Variants in SYN2 observed in about 807,000 individuals in gnomAD.
The protein encoded by SYN2 is synapsin-2.
In SYN2, 19 loss-of-function variants were observed where a neutral mutation model predicts 50.9. That is an observed-to-expected ratio of 0.37 (90% CI 0.26 to 0.55). The LOEUF (loss-of-function observed/expected upper bound fraction) is 0.55. SYN2 is among the 20% of genes least tolerant of loss of function. SYN2 has a pLI of 0.81. For synonymous variants in SYN2, 255 were observed against 224.9 expected (o/e 1.13, Z -1.20); for missense variants, 587 against 576.4 (o/e 1.02, Z -0.19).
chr3:12,167,405 T>C, intron 8 of SYN2, 97 bp downstream of exon 8: 1 of 1,296,018 alleles, frequency 7.7e-7, no homozygotes, highest in Non-Finnish European at 1.1e-6. Context: ...AAGGGAGTCA[T>C]GGAGCAAACC....
intron 1 of SYN2, among the ~76,000 whole-genome samples, chr3:12,055,016 T>G (rs1694957012): frequency 2.0e-5 from 3 of 152,112 alleles, no homozygotes; most frequent in Admixed American, 1.3e-4. Context: ...GTATAGGAGA[T>G]CTGAATGCCA....
chr3:12,119,412 T>C (rs767712194), intron 1 of SYN2, among the ~76,000 whole-genome samples: 7 of 152,208 alleles, frequency 4.6e-5, no homozygotes, highest in Admixed American at 6.5e-5. Flanking sequence ...TTTATTCATT[T>C]CTGCAATCGT....
chr3:12,117,690 C>G (rs1014581082), intron 1 of SYN2, among the ~76,000 whole-genome samples: 6 of 152,128 alleles, frequency 3.9e-5, no homozygotes, highest in African/African-American at 1.4e-4. Context: ...AAAAATTCTG[C>G]CTTGGGGTTG....
At chr3:12,009,655 G>A (rs371007244) in intron 1 of SYN2, among the ~76,000 whole-genome samples, 1 of 152,002 alleles carries the variant, frequency 6.6e-6, no homozygotes, top group East Asian at 1.9e-4. Context: ...TGTTTGTGTC[G>A]GCTTCTTTTA....
chr3:12,082,660 A>C (rs1185688122), intron 1 of SYN2, among the ~76,000 whole-genome samples: 1 of 152,218 alleles, frequency 6.6e-6, no homozygotes, highest in Non-Finnish European at 1.5e-5. Flanking sequence ...GAGGATGTAT[A>C]TCCATTGCTC....
At chr3:12,069,243 CCT>C (rs1695286077) in intron 1 of SYN2, among the ~76,000 whole-genome samples, 1 of 73,828 alleles carries the variant, frequency 1.4e-5, no homozygotes, top group African/African-American at 6.1e-5. Context: ...AATTGTATGA[CCT>C]TTTTTTTTTT....
chr3:12,089,137 C>A (rs160217), intron 1 of SYN2, among the ~76,000 whole-genome samples: 140,648 of 152,276 alleles, frequency 0.92, 65,000 homozygotes, highest in East Asian at 1. Flanking sequence ...TAAATATATA[C>A]GTATTCGTCT....
intron 4 of SYN2, among the ~76,000 whole-genome samples, chr3:12,147,217 A>G (rs938598193): frequency 4.7e-5 from 7 of 147,516 alleles, no homozygotes; most frequent in Non-Finnish European, 9.2e-5. Flanking sequence ...GTGTGTGTGT[A>G]TGTGTGTGTG....
chr3:12,133,858 G>GCAT (rs1559433412), intron 1 of SYN2, among the ~76,000 whole-genome samples: 2 of 152,170 alleles, frequency 1.3e-5, no homozygotes, highest in Non-Finnish European at 2.9e-5. Flanking sequence ...TGAGACAATG[G>GCAT]CATGGCACTT....
At chr3:12,026,671 G>C (rs1375647462) in intron 1 of SYN2, among the ~76,000 whole-genome samples, 2 of 152,196 alleles carry the variant, frequency 1.3e-5, no homozygotes, top group Non-Finnish European at 2.9e-5. Context: ...TGCGGATATT[G>C]TGTGTGATGA....
In SYN2 at chr3:12,004,672, G is replaced by C. The variant is rs778741631; in HGVS notation, c.121G>C (p.Gly41Arg). The C allele has an allele frequency of 8.9e-5, 26 of 293,348 alleles. No individual in the cohort carries two copies. The highest frequency in any genetic ancestry group is 1.7e-4 in the Non-Finnish European group (26 of 155,608). 18.2% of individuals were successfully genotyped at this position (293,348 alleles called of 1,614,324 possible). Residue 41 changes from glycine to arginine, a missense_variant, in exon 1 of 13, where the codon GGT becomes CGT. Gly to Arg is a moderately radical substitution (Grantham distance 125, BLOSUM62 -2). Transcript: ENST00000621198. ...PQQPPPPPPP[G>R]PGAASASAAP... is the part of the protein sequence containing the mutation. ...GCAGCCGCCGCCGCCGCCGCCCCCC[G>C]GTCCGGGCGCCGCCTCGGCCTCGGC...
At chr3:12,085,392 C>T (rs992137101) in intron 1 of SYN2, among the ~76,000 whole-genome samples, 30 of 150,874 alleles carry the variant, frequency 2.0e-4, no homozygotes, top group Admixed American at 7.3e-4. Context: ...CACGCACGCA[C>T]GCACTCGATG....
chr3:12,126,879 C>A (rs1260108653), intron 1 of SYN2, among the ~76,000 whole-genome samples: 3 of 152,164 alleles, frequency 2.0e-5, no homozygotes, highest in Non-Finnish European at 4.4e-5. Context: ...TAACAATCTA[C>A]GGTACTTCTC....
intron 1 of SYN2, among the ~76,000 whole-genome samples, chr3:12,100,787 C>T (rs1322100129): frequency 6.6e-6 from 1 of 151,652 alleles, no homozygotes; most frequent in Admixed American, 6.6e-5. Context: ...ACAAAAAACC[C>T]ATGAAAAAAT....
At chr3:12,029,406 C>G (rs1475733193) in intron 1 of SYN2, among the ~76,000 whole-genome samples, 1 of 126,736 alleles carries the variant, frequency 7.9e-6, no homozygotes, top group African/African-American at 4.1e-5. Context: ...TTTTCCAATT[C>G]TGTGAAGAAA....
At chr3:12,074,147 C>T (rs950690976) in intron 1 of SYN2, among the ~76,000 whole-genome samples, 1 of 152,112 alleles carries the variant, frequency 6.6e-6, no homozygotes, top group Non-Finnish European at 1.5e-5. Flanking sequence ...TTTTATCTAT[C>T]ATATAGTTTT....
chr3:12,141,795 T>A, intron 2 of SYN2, 110 bp from the exon 3 acceptor site: 1 of 685,288 alleles, frequency 1.5e-6, no homozygotes, highest in Non-Finnish European at 2.7e-6. Context: ...TATGTGAACA[T>A]GTTTTGAAAA....
At chr3:12,089,471 GAC>G (rs1288216526) in intron 1 of SYN2, among the ~76,000 whole-genome samples, 1 of 152,094 alleles carries the variant, frequency 6.6e-6, no homozygotes, top group East Asian at 1.9e-4. Context: ...TTTGGGTGGG[GAC>G]ACAGCCAAAC....
In SYN2 at chr3:12,021,830, C is replaced by A. The variant is rs984646741; in HGVS notation, c.377+16902C>A. Among the ~76,000 whole-genome samples, 4 of 151,222 alleles carry A rather than the reference C, an allele frequency of 2.6e-5. No homozygotes were observed. In the East Asian group the frequency reaches 7.8e-4, roughly 30 times the overall value. On this transcript the variant is annotated intron_variant, in intron 1 of 12. Coordinates refer to ENST00000621198, the MANE Select transcript of SYN2 (RefSeq NM_133625.6). ...CTGTAATCCCAGCACTTTGGGAGGC[C>A]GAGGTGGGCAGATGACCCAAGCTCA... is the stretch of plus-strand genomic sequence containing the variant.
Sources: allele counts gnomAD v4.1 joint callset (sites outside exome capture counted in the v4.1 genomes callset), GRCh38; gene constraint gnomAD v4.1.1; transcripts MANE v1.5; gene names NCBI Gene and HGNC (gene_info 2026-07-23, HGNC 2026-07-21).